Variants in BDP1 observed in about 807,000 individuals in gnomAD.
BDP1 encodes the protein transcription factor TFIIIB component B'' homolog.
A neutral mutation model predicts 266.6 loss-of-function variants in BDP1; 169 were observed. The observed-to-expected ratio is 0.63, with a 90% CI of 0.56 to 0.72. BDP1 has a LOEUF of 0.72. BDP1 is among the 30% of genes least tolerant of loss of function. The pLI, the probability that BDP1 is intolerant of heterozygous loss-of-function variation, is 0.00. For synonymous variants in BDP1, 1,090 were observed against 1,022.4 expected, an observed-to-expected ratio of 1.07 and a Z score of -1.26; for missense variants, 3,015 against 3,053.8, an observed-to-expected ratio of 0.99 and a Z score of 0.30.
chr5:71,494,227 C>A (rs562154793), intron 11 of BDP1, among the ~76,000 whole-genome samples: 1 of 151,986 alleles, frequency 6.6e-6, no homozygotes, highest in African/African-American at 2.4e-5. Context: ...AACATAAACA[C>A]CTAGTAGAAA....
At chr5:71,518,568 A>G (rs541755149) in intron 22 of BDP1, among the ~76,000 whole-genome samples, 2 of 152,192 alleles carry the variant, frequency 1.3e-5, no homozygotes, top group South Asian at 2.1e-4. Flanking sequence ...CTCCCACCTC[A>G]ACCTCTCGAG....
At position 71,544,508 on chromosome 5, in the gene BDP1, G is replaced by A. The variant is rs1467209860; in HGVS notation, c.6563+1G>A. 3 of 1,607,090 alleles carry A rather than the reference G, an allele frequency of 1.9e-6. No individual in the cohort carries two copies. Among genetic ancestry groups the A allele is most frequent in the Non-Finnish European group, 1.7e-6 (2 of 1,178,048 alleles). ...CTTCAGAAGTAAACCTAACTGAAAG[G>A]TAAAAGAGTGAAGAGGTTCTGAGAT... On this transcript the variant is annotated splice_donor_variant, in intron 31 of 38. Coordinates refer to ENST00000358731, the MANE Select transcript of BDP1 (RefSeq NM_018429.3). LOFTEE classifies it high-confidence loss of function.
intron 25 of BDP1, among the ~76,000 whole-genome samples, chr5:71,529,309 G>T (rs1390835719): frequency 3.3e-5 from 5 of 152,150 alleles, no homozygotes; most frequent in Non-Finnish European, 7.4e-5. Flanking sequence ...ATAATCGCTT[G>T]AAACCAGAAG....
At chr5:71,542,735 C>T (rs1253912392) in intron 30 of BDP1, among the ~76,000 whole-genome samples, 2 of 151,868 alleles carry the variant, frequency 1.3e-5, no homozygotes, top group Admixed American at 6.6e-5. Flanking sequence ...TAACTTTTGA[C>T]TCCCCAAAAA....
Position 71,455,727 on chromosome 5 carries a change from G to A in BDP1, c.-151G>A. The A allele has an allele frequency of 1.5e-6, 1 of 656,984 alleles. No homozygotes were observed. Among genetic ancestry groups the A allele is most frequent in the Non-Finnish European group, 2.6e-6 (1 of 386,330 alleles). 40.7% of individuals were successfully genotyped at this position (656,984 alleles called of 1,614,324 possible). A position where few individuals can be genotyped will look rare whatever the true frequency, so the allele number is the denominator to read the frequency against. On this transcript the variant is annotated 5_prime_UTR_variant, in exon 1 of 39. Coordinates refer to ENST00000358731, the MANE Select transcript of BDP1 (RefSeq NM_018429.3). ...CGGCGGGAGAGAGGAGGAGGCGGCG[G>A]CGGGGCAGTGAAACTACGGTAGCTG...
chr5:71,558,833 A>C (rs372418422), intron 36 of BDP1, among the ~76,000 whole-genome samples: 1 of 46,510 alleles, frequency 2.2e-5, no homozygotes, highest in Non-Finnish European at 5.4e-5. Context: ...TCTCAAAAAC[A>C]AAAAAAAAAA....
At chr5:71,546,070 A>G (rs1176389503) in intron 32 of BDP1, among the ~76,000 whole-genome samples, 1 of 152,120 alleles carries the variant, frequency 6.6e-6, no homozygotes, top group Non-Finnish European at 1.5e-5. Flanking sequence ...ATTAGAGATG[A>G]ACTTAGAAAG....
downstream of BDP1, among the ~76,000 whole-genome samples, chr5:71,571,156 A>G (rs950043367): frequency 5.3e-5 from 8 of 152,108 alleles, no homozygotes; most frequent in African/African-American, 1.9e-4. Context: ...TTATTTTATT[A>G]CTTTTTGAGA....
chr5:71,466,172 C>T lies in BDP1; in HGVS notation c.736C>T (p.Pro246Ser), dbSNP rs1761894580. The part of the protein sequence containing the change: ...EETDDGPLLV[P>S]RVKVAEDGSI... Reference sequence around the variant, plus strand: ...GACAGATGATGGGCCATTACTGGTTCCTCGAGTAAAAGTGGCAGAAGATGG... The same window carrying T: ...GACAGATGATGGGCCATTACTGGTTTCTCGAGTAAAAGTGGCAGAAGATGG... Residue 246 changes from proline to serine, a missense_variant, in exon 5 of 39, where the codon CCT becomes TCT. Coordinates refer to ENST00000358731, the MANE Select transcript of BDP1 (RefSeq NM_018429.3). 1 of 1,613,702 alleles carries T rather than the reference C, an allele frequency of 6.2e-7. No individual in the cohort carries two copies. Among genetic ancestry groups the T allele is most frequent in the Non-Finnish European group, 8.5e-7 (1 of 1,179,910 alleles).
In BDP1 at chr5:71,466,086, T is replaced by C. The variant is rs1561670207; in HGVS notation, c.660-10T>C. ...GCCTTTGTGAATTAACTTATCTTTA[T>C]ATGTGGTAGGCAAGAAGGTAAGAGT... On this transcript the variant is annotated splice_polypyrimidine_tract_variant and intron_variant, in intron 4 of 38. Transcript: ENST00000358731. The C allele has an allele frequency of 1.2e-6, 2 of 1,611,744 alleles. No homozygotes were observed. Among genetic ancestry groups the C allele is most frequent in the Non-Finnish European group, 1.7e-6 (2 of 1,179,100 alleles).
chr5:71,542,639 G>A (rs1344168304), intron 30 of BDP1, among the ~76,000 whole-genome samples: 1 of 151,904 alleles, frequency 6.6e-6, no homozygotes, highest in South Asian at 2.1e-4. Flanking sequence ...TGGGAGGCTT[G>A]AGCCCAAGAG....
Position 71,522,799 on chromosome 5 carries a change from A to C in BDP1, c.5237A>C (p.Lys1746Thr), listed in dbSNP as rs760226036. 1 of 1,608,132 alleles carries C rather than the reference A, an allele frequency of 6.2e-7. No individual in the cohort carries two copies. The highest frequency in any genetic ancestry group is 2.2e-5 in the East Asian group (1 of 44,834). Residue 1746 changes from lysine to threonine, a missense_variant, in exon 24 of 39, where the codon AAA becomes ACA. By Grantham distance (78) the Lys-to-Thr change is moderately conservative. This residue lies in a region of BDP1 where 2,383 missense variants were observed against 2,404.9 expected (regional missense o/e 0.99). Transcript: ENST00000358731. ...LLTSLEVSARKDCVGSKESAL... is the reference protein window; with the variant it reads ...LLTSLEVSARTDCVGSKESAL... ...ACATCTCTGGAGGTTTCAGCAAGAAAAGATTGTGTAGGTTCCAAAGAGTCT... is the reference window on the plus strand; with the variant it reads ...ACATCTCTGGAGGTTTCAGCAAGAACAGATTGTGTAGGTTCCAAAGAGTCT...
Position 71,491,027 on chromosome 5 carries a change from C to T in BDP1, c.1536C>T (p.Cys512=), listed in dbSNP as rs1360087965. 6.2e-7 allele frequency: 1 copy of T among 1,613,280 alleles called. No individual in the cohort carries two copies. The highest frequency in any genetic ancestry group is 1.3e-5 in the African/African-American group (1 of 74,906). The change falls in exon 11 of 39, where the codon TGC becomes TGT. Residue 512 remains cysteine (C), a synonymous_variant. Coordinates refer to ENST00000358731, the MANE Select transcript of BDP1 (RefSeq NM_018429.3). ...AIRPELKEGE[C]SKEQMLSCTQ... is the part of the protein sequence containing the mutation. ...GGCCTGAGCTAAAGGAAGGTGAATG[C>T]AGTAAGGAGCAGATGCTTTCCTGCA...
intron 7 of BDP1, among the ~76,000 whole-genome samples, chr5:71,473,990 G>C (rs12109984): frequency 0.48 from 72,618 of 151,556 alleles, 17,645 homozygotes; most frequent in South Asian, 0.55. Flanking sequence ...TATACATTTC[G>C]TTTTTTTTGA....
chr5:71,534,767 G>T (rs192816665), intron 26 of BDP1, among the ~76,000 whole-genome samples: 6 of 152,054 alleles, frequency 3.9e-5, no homozygotes, highest in Non-Finnish European at 8.8e-5. Flanking sequence ...TCAGCTTCCC[G>T]AGTAGCTGGG....
At chr5:71,557,033 A>G in intron 36 of BDP1, 108 bp downstream of exon 36, 1 of 546,656 alleles carries the variant, frequency 1.8e-6, no homozygotes, top group Non-Finnish European at 3.0e-6. Context: ...CTTTTCTCCA[A>G]GAGTAATACT....
In BDP1 at chr5:71,521,027, A is replaced by G. The variant is rs1388344828; in HGVS notation, c.4992-1262A>G. Among the ~76,000 whole-genome samples, 6 of 151,804 alleles carry G rather than the reference A, an allele frequency of 4.0e-5. No homozygotes were observed. In the South Asian group the frequency reaches 1.3e-3, roughly 32 times the overall value. On this transcript the variant is annotated intron_variant, in intron 22 of 38. Transcript: ENST00000358731. ...AACATAGAGAAACCCCATCTCTACT[A>G]AAAATACAAAATTAGCCAGCCGTGG...
Position 71,539,541 on chromosome 5 carries a change from T to TATATTTCCTCACAAGGTACC in BDP1, c.5930-14_5935dup. The TATATTTCCTCACAAGGTACC allele has an allele frequency of 6.3e-7, 1 of 1,579,504 alleles. No homozygotes were observed. Among genetic ancestry groups the TATATTTCCTCACAAGGTACC allele is most frequent in the Non-Finnish European group, 8.7e-7 (1 of 1,155,194 alleles). On this transcript the variant is annotated splice_polypyrimidine_tract_variant and intron_variant, in intron 27 of 38. Transcript: ENST00000358731. ...GATTCATTCTTTTTTTTAATGTTGA[T>TATATTTCCTCACAAGGTACC]ATATTTCCTCACAAGGTACCAATGA... is the stretch of plus-strand genomic sequence containing the variant.
chr5:71,530,824 T>G (rs986099703), intron 25 of BDP1, among the ~76,000 whole-genome samples: 4 of 152,146 alleles, frequency 2.6e-5, no homozygotes, highest in African/African-American at 9.7e-5. Flanking sequence ...ATGCCCATAG[T>G]CCCAGCACTT....
Sources: allele counts gnomAD v4.1 joint callset (sites outside exome capture counted in the v4.1 genomes callset), GRCh38; gene constraint gnomAD v4.1.1; regional missense constraint gnomAD v4.1.1; transcripts MANE v1.5; gene names NCBI Gene and HGNC (gene_info 2026-07-23, HGNC 2026-07-21).